The following PPP1R8 variants were observed in gnomAD, a reference collection of about 807,000 sequenced individuals.
The protein encoded by PPP1R8 is nuclear inhibitor of protein phosphatase 1.
PPP1R8 carries 4 observed loss-of-function variants against 31.3 expected under a neutral mutation model. The observed-to-expected ratio is 0.13, with a 90% CI of 0.06 to 0.29. The LOEUF (loss-of-function observed/expected upper bound fraction) is 0.29. PPP1R8 is among the 10% of genes least tolerant of loss of function. The probability of loss-of-function intolerance (pLI) is 1.00; values close to 1 mark genes in which losing one functional copy is unlikely to be tolerated. For synonymous variants in PPP1R8, 170 were observed against 169.7 expected, an observed-to-expected ratio of 1.00 and a Z score of -0.01; for missense variants, 254 against 440.1, an observed-to-expected ratio of 0.58 and a Z score of 3.78.
intron 2 of PPP1R8, 99 bp downstream of exon 2, chr1:27,832,915 A>G (rs2089125360): frequency 9.9e-7 from 1 of 1,005,186 alleles, no homozygotes; most frequent in South Asian, 1.5e-5. Context: ...TTTTCCAGCA[A>G]TGCTACTTTC....
chr1:27,834,489 A>G (rs1490976590), intron 2 of PPP1R8: 1 of 519,144 alleles, frequency 1.9e-6, no homozygotes, highest in South Asian at 1.4e-5. Flanking sequence ...AAGAAGTGCA[A>G]TATTAAAACA....
intron 2 of PPP1R8, among the ~76,000 whole-genome samples, chr1:27,838,336 T>G (rs562030470): frequency 6.6e-6 from 1 of 152,116 alleles, no homozygotes; most frequent in Admixed American, 6.6e-5. Flanking sequence ...GCCAAGATCA[T>G]GCAACTGTAC....
rs185606631 is a variant in PPP1R8 at position 27,836,240 on chromosome 1, A to G, written c.118-2459A>G. 1.1e-4 allele frequency among the ~76,000 whole-genome samples: 17 copies of G among 152,346 alleles called. No homozygotes were observed. In the East Asian group the frequency reaches 2.5e-3, roughly 22 times the overall value. The stretch of plus-strand genomic sequence containing the variant: ...ATACCCAAATGAGAGTTATTCCTCA[A>G]GTGCTCCCACTGGATTACTAGACCA... On this transcript the variant is annotated intron_variant, in intron 2 of 6. Coordinates refer to ENST00000311772, the MANE Select transcript of PPP1R8 (RefSeq NM_014110.5).
At chr1:27,832,353 A>T (rs2089118472) in intron 1 of PPP1R8, among the ~76,000 whole-genome samples, 1 of 152,196 alleles carries the variant, frequency 6.6e-6, no homozygotes, top group Admixed American at 6.5e-5. Context: ...ACTAATCTTG[A>T]TGAGCCCCAA....
At chr1:27,843,158 T>C (rs2089239289) in intron 4 of PPP1R8, 28 bp from the exon 5 acceptor site, 2 of 1,613,588 alleles carry the variant, frequency 1.2e-6, no homozygotes, top group East Asian at 2.2e-5. Flanking sequence ...TACTGACTGC[T>C]GTCTTTCCTG....
intron 3 of PPP1R8, among the ~76,000 whole-genome samples, chr1:27,839,778 G>C (rs1163945489): frequency 1.3e-5 from 2 of 152,038 alleles, no homozygotes; most frequent in Admixed American, 1.3e-4. Context: ...CATAAGCAAG[G>C]CCAGGCATGG....
At chr1:27,833,709 A>G (rs1034350960) in intron 2 of PPP1R8, among the ~76,000 whole-genome samples, 4 of 152,176 alleles carry the variant, frequency 2.6e-5, no homozygotes, top group African/African-American at 9.6e-5. Flanking sequence ...TATTGAATGC[A>G]GTTTTTTCAT....
chr1:27,841,456 G>T (rs2089221988), intron 4 of PPP1R8, among the ~76,000 whole-genome samples: 1 of 152,152 alleles, frequency 6.6e-6, no homozygotes, highest in Non-Finnish European at 1.5e-5. Flanking sequence ...AGGAGGCTGA[G>T]TCCCAGCCAC....
At chr1:27,845,623 A>G (rs1281780425) in intron 5 of PPP1R8, among the ~76,000 whole-genome samples, 1 of 151,914 alleles carries the variant, frequency 6.6e-6, no homozygotes, top group East Asian at 1.9e-4. Flanking sequence ...GATGGTGAAT[A>G]TAATACCAGA....
chr1:27,840,909 TG>T (rs1163302386), intron 3 of PPP1R8, 104 bp from the exon 4 acceptor site: 30 of 1,157,458 alleles, frequency 2.6e-5, no homozygotes, highest in Middle Eastern at 2.0e-4. Context: ...ACTGATGTGC[TG>T]GGGGGAAGCT....
intron 3 of PPP1R8, among the ~76,000 whole-genome samples, chr1:27,840,041 C>T (rs878770): frequency 0.022 from 3,275 of 151,984 alleles, 92 homozygotes; most frequent in African/African-American, 0.073. Context: ...GTCTGGGTGA[C>T]GAAGCAAGCC....
chr1:27,837,914 A>C (rs530616020), intron 2 of PPP1R8, among the ~76,000 whole-genome samples: 1 of 151,766 alleles, frequency 6.6e-6, no homozygotes, highest in South Asian at 2.1e-4. Flanking sequence ...GTCTTTACTA[A>C]AAAATACAAA....
Position 27,845,970 on chromosome 1 carries a change from T to C in PPP1R8, c.638-1058T>C, listed in dbSNP as rs533923108. 1.3e-4 allele frequency among the ~76,000 whole-genome samples: 20 copies of C among 151,864 alleles called. No homozygotes were observed. The East Asian group carries it at 3.9e-3, about 29-fold the overall frequency. Reference sequence around the variant, plus strand: ...ACACCCAGCTAATTTTTTGTATTTTTTAGTAGAGACGGAGTTTCACCATGT... The same window carrying C: ...ACACCCAGCTAATTTTTTGTATTTTCTAGTAGAGACGGAGTTTCACCATGT... On this transcript the variant is annotated intron_variant, in intron 5 of 6. Transcript: ENST00000311772.
At chr1:27,847,172 A>C in intron 6 of PPP1R8, 80 bp downstream of exon 6, 1 of 1,412,384 alleles carries the variant, frequency 7.1e-7, no homozygotes, top group Non-Finnish European at 1.0e-6. Flanking sequence ...TATGCCTGTA[A>C]TCCAAGCACT....
At chr1:27,847,628 G>T (rs1368665964) in intron 6 of PPP1R8, among the ~76,000 whole-genome samples, 3 of 152,162 alleles carry the variant, frequency 2.0e-5, no homozygotes, top group Non-Finnish European at 4.4e-5. Context: ...CTAACTGGGA[G>T]GTTGAGGTGG....
chr1:27,842,492 A>C (rs2089233012), intron 4 of PPP1R8, among the ~76,000 whole-genome samples: 1 of 152,094 alleles, frequency 6.6e-6, no homozygotes, highest in Non-Finnish European at 1.5e-5. Flanking sequence ...CTTTTAGTTC[A>C]GTATGTTAGG....
chr1:27,834,933 G>A (rs946004553), intron 2 of PPP1R8, among the ~76,000 whole-genome samples: 6 of 152,068 alleles, frequency 3.9e-5, no homozygotes, highest in Admixed American at 3.3e-4. Context: ...CAGGAGAATC[G>A]CTTGAACCCA....
intron 5 of PPP1R8, among the ~76,000 whole-genome samples, chr1:27,845,778 T>C (rs1425530084): frequency 1.4e-5 from 2 of 141,710 alleles, no homozygotes; most frequent in African/African-American, 5.9e-5. Context: ...TTTCTTTCTT[T>C]CTTTCTTTTT....
Position 27,850,154 on chromosome 1 carries a change from A to G in PPP1R8, c.764A>G (p.Gln255Arg). Residue 255 changes from glutamine to arginine, a missense_variant, in exon 7 of 7, where the codon CAG (glutamine) becomes CGG (arginine). Transcript: ENST00000311772. ...GAGGAATCAGGGAGCAGGCGCATGCAGAACTTTGCCTTCAGCGGAGGACTC... is the reference window on the plus strand; with the variant it reads ...GAGGAATCAGGGAGCAGGCGCATGCGGAACTTTGCCTTCAGCGGAGGACTC... ...GLEESGSRRM[Q>R]NFAFSGGLYG... 6.2e-7 allele frequency: 1 copy of G among 1,612,806 alleles called. No individual in the cohort carries two copies. Among genetic ancestry groups the G allele is most frequent in the Non-Finnish European group, 8.5e-7 (1 of 1,179,260 alleles).
Sources: gnomAD v4.1 joint callset for allele counts (sites outside exome capture counted in the v4.1 genomes callset) on GRCh38, gnomAD v4.1.1 for gene constraint, MANE v1.5 for transcripts, NCBI Gene and HGNC (gene_info 2026-07-23, HGNC 2026-07-21) for gene names.